Variants in SVEP1 observed in about 807,000 individuals in gnomAD.
SVEP1 encodes the protein sushi, von Willebrand factor type A, EGF and pentraxin domain containing 1, also known as sushi, von Willebrand factor type A, EGF and pentraxin domain-containing protein 1.
Under a neutral mutation model 367.3 loss-of-function variants are expected in SVEP1, and 164 were observed. That is an observed-to-expected ratio of 0.45 (90% CI 0.39 to 0.51). SVEP1 has a LOEUF of 0.51. Ranked by LOEUF, SVEP1 falls within the 20% of genes least tolerant of loss-of-function variation. The pLI is 0.00. For missense variants in SVEP1, 4,117 were observed against 4,425.3 expected (o/e 0.93, Z 1.98); for synonymous variants, 1,666 against 1,611.6 (o/e 1.03, Z -0.81).
Position 110,436,460 on chromosome 9 carries a change from C to A in SVEP1, c.4684G>T (p.Glu1562Ter), listed in dbSNP as rs776202794. The change falls in exon 28 of 48, where the codon GAG becomes TAG. Residue 1562 changes from glutamate to a stop codon, truncating the protein, a stop_gained. Coordinates refer to ENST00000374469, the MANE Select transcript of SVEP1 (RefSeq NM_153366.4). LOFTEE classifies it high-confidence loss of function. ...AAAGACTCAGCTGGGCTGAATCCCT[C>A]TCCTTTTTTGTCTTGCTCTTGCCCC... ...VLGQEQDKKG[E>*]GFSPAESFVG... 6.2e-7 allele frequency: 1 copy of A among 1,613,952 alleles called. No homozygotes were observed. Among genetic ancestry groups the A allele is most frequent in the East Asian group, 2.2e-5 (1 of 44,868 alleles).
intron 1 of SVEP1, among the ~76,000 whole-genome samples, chr9:110,574,410 ACAAT>A (rs781764018): frequency 1.3e-5 from 2 of 152,250 alleles, no homozygotes; most frequent in Non-Finnish European, 2.9e-5. Context: ...AGGCTAGGTC[ACAAT>A]CAGTTATAAT....
Position 110,579,255 on chromosome 9 carries a change from C to A in SVEP1, c.289G>T (p.Val97Phe). 6.4e-7 allele frequency: 1 copy of A among 1,571,140 alleles called. No individual in the cohort carries two copies. Among genetic ancestry groups the A allele is most frequent in the Admixed American group, 1.9e-5 (1 of 53,594 alleles). The change falls in exon 1 of 48, where the codon GTC becomes TTC. Residue 97 changes from valine (V) to phenylalanine (F), a missense_variant. Transcript: ENST00000374469. This position sits in a 1 kb window ranked among gnomAD's most constrained non-coding sequence, Gnocchi z 5.3. Reference sequence around the variant, plus strand: ...AACATGAGCTCGCTGCGGAAGTTGACTTCGCCCACGCTGGACGAATCATCC... The same window carrying A: ...AACATGAGCTCGCTGCGGAAGTTGAATTCGCCCACGCTGGACGAATCATCC... The part of the protein sequence containing the change: ...LVDDSSSVGE[V>F]NFRSELMFVR...
chr9:110,452,856 T>C (rs545130290), intron 22 of SVEP1, among the ~76,000 whole-genome samples: 2 of 50,290 alleles, frequency 4.0e-5, no homozygotes, highest in South Asian at 1.9e-3. Flanking sequence ...ATTTGAAGGA[T>C]TTTCAAGGCA....
At chr9:110,566,256 A>C (rs901096215) in intron 1 of SVEP1, among the ~76,000 whole-genome samples, 2 of 151,982 alleles carry the variant, frequency 1.3e-5, no homozygotes, top group African/African-American at 4.8e-5. Flanking sequence ...TGGGAAGTTG[A>C]GGCTGCAGTG....
At chr9:110,496,128 G>C (rs1829442414) in intron 8 of SVEP1, among the ~76,000 whole-genome samples, 2 of 152,158 alleles carry the variant, frequency 1.3e-5, no homozygotes, top group Admixed American at 1.3e-4. Context: ...TCATTATTCT[G>C]TCAGATGCCG....
intron 21 of SVEP1, among the ~76,000 whole-genome samples, chr9:110,455,991 C>T (rs1222717337): frequency 6.6e-6 from 1 of 152,178 alleles, no homozygotes; most frequent in Non-Finnish European, 1.5e-5. Flanking sequence ...AGGAATTATG[C>T]TAATTTCAAA....
At chr9:110,466,342 G>A (rs1828936452) in intron 17 of SVEP1, among the ~76,000 whole-genome samples, 1 of 152,196 alleles carries the variant, frequency 6.6e-6, no homozygotes. Context: ...ATAGGAACAA[G>A]TTGTACACTG....
intron 20 of SVEP1, 72 bp downstream of exon 20, chr9:110,458,399 G>A: frequency 7.8e-7 from 1 of 1,277,784 alleles, no homozygotes; most frequent in East Asian, 2.4e-5. Flanking sequence ...CTTTTCCTGT[G>A]TGTGATGTGT....
rs371178297 is a variant in SVEP1, at chr9:110,512,916, G to A, written c.1303+10C>T. ...AGTAAATAAACAATGTAAATTGGCA[G>A]TTTGCATACCTCTGCAGTAGCTCTC... is the stretch of plus-strand genomic sequence containing the variant. On this transcript the variant is annotated intron_variant, in intron 5 of 47. Coordinates refer to ENST00000374469, the MANE Select transcript of SVEP1 (RefSeq NM_153366.4). The A allele has an allele frequency of 4.8e-5, 77 of 1,613,766 alleles. No homozygotes were observed. Among genetic ancestry groups the A allele is most frequent in the Non-Finnish European group, 6.4e-5 (76 of 1,179,816 alleles).
intron 46 of SVEP1, among the ~76,000 whole-genome samples, chr9:110,373,153 C>A (rs1827302113): frequency 6.6e-6 from 1 of 152,096 alleles, no homozygotes; most frequent in African/African-American, 2.4e-5. Flanking sequence ...AGTAAGGTAC[C>A]TGGAAAAAAG....
Position 110,528,148 on chromosome 9 carries a change from G to A in SVEP1, c.965-14042C>T, listed in dbSNP as rs1305032542. Among the ~76,000 whole-genome samples, 270 of 31,814 alleles carry A rather than the reference G, an allele frequency of 8.5e-3. 1 individual carries two copies. The highest frequency in any genetic ancestry group is 0.025 in the African/African-American group (251 of 9,962). 20.9% of individuals were successfully genotyped at this position (31,814 alleles called of 152,430 possible). On this transcript the variant is annotated intron_variant, in intron 3 of 47. Transcript: ENST00000374469. ...CATACACACGTGTGTGTGTGTGTGTGTGTGTGTGTATATATATATATATAT... is the reference window on the plus strand; with the variant it reads ...CATACACACGTGTGTGTGTGTGTGTATGTGTGTGTATATATATATATATAT...
intron 18 of SVEP1, among the ~76,000 whole-genome samples, chr9:110,462,725 C>CAG (rs147630659): frequency 9.4e-5 from 14 of 149,526 alleles, no homozygotes; most frequent in Admixed American, 6.7e-4. Flanking sequence ...GACAGAGAGA[C>CAG]AGAGAGAGAG....
chr9:110,482,602 C>T (rs775419426), intron 10 of SVEP1, 110 bp from the exon 11 acceptor site: 161 of 1,253,260 alleles, frequency 1.3e-4, no homozygotes, highest in Non-Finnish European at 1.0e-4. Flanking sequence ...TCTCGGCTCA[C>T]TGCAACCTCC....
chr9:110,514,965 C>T (rs1264666229), intron 3 of SVEP1, among the ~76,000 whole-genome samples: 1 of 152,120 alleles, frequency 6.6e-6, no homozygotes, highest in Non-Finnish European at 1.5e-5. Flanking sequence ...GGACATAATC[C>T]AACCGACAGG....
In SVEP1 at chr9:110,408,550, T is replaced by C; in HGVS notation, c.7050A>G (p.Lys2350=). Residue 2350 remains lysine, a synonymous_variant, in exon 38 of 48, where the codon AAA becomes AAG. Coordinates refer to ENST00000374469, the MANE Select transcript of SVEP1 (RefSeq NM_153366.4). ...TEVGVVTFSC[K]EGHVLQGPSV... is the part of the protein sequence containing the mutation. The stretch of plus-strand genomic sequence containing the variant: ...AGGGGCCTTGCAGGACATGCCCTTC[T>C]TTACAGGAAAATGTCACAACTCCTA... 6.2e-7 allele frequency: 1 copy of C among 1,613,926 alleles called. No individual in the cohort carries two copies. The highest frequency in any genetic ancestry group is 8.5e-7 in the Non-Finnish European group (1 of 1,179,856).
At chr9:110,439,519 G>A (rs539900157) in intron 27 of SVEP1, among the ~76,000 whole-genome samples, 3 of 151,878 alleles carry the variant, frequency 2.0e-5, no homozygotes, top group Non-Finnish European at 2.9e-5. Context: ...TCAGCCTCCC[G>A]AGTAGCTGGG....
intron 13 of SVEP1, among the ~76,000 whole-genome samples, chr9:110,478,592 G>A (rs1269711790): frequency 6.6e-6 from 1 of 152,098 alleles, no homozygotes; most frequent in South Asian, 2.1e-4. Flanking sequence ...GTTGCCTTTC[G>A]AGTATAGGTC....
At chr9:110,450,384 T>A in intron 23 of SVEP1, 124 bp from the exon 24 acceptor site, 1 of 962,064 alleles carries the variant, frequency 1.0e-6, no homozygotes, top group South Asian at 1.7e-5. Context: ...GTGGAGCCCA[T>A]CAAACTGGTT....
Position 110,528,156 on chromosome 9 carries a change from G to GTGTATGTATATATA in SVEP1, c.965-14051_965-14050insTATATATACATACA. On this transcript the variant is annotated intron_variant, in intron 3 of 47. Transcript: ENST00000374469. ...CGTGTGTGTGTGTGTGTGTGTGTGTGTATATATATATATATATATATATAT... is the reference window on the plus strand; with the variant it reads ...CGTGTGTGTGTGTGTGTGTGTGTGTGTGTATGTATATATATATATATATATATATATATATATAT... Among the ~76,000 whole-genome samples the GTGTATGTATATATA allele has an allele frequency of 8.8e-5, 3 of 33,940 alleles. 1 individual carries two copies. Among genetic ancestry groups the GTGTATGTATATATA allele is most frequent in the African/African-American group, 3.2e-4 (3 of 9,462 alleles). The allele number at this position is 33,940 out of a possible 152,430, so 22.3% of individuals were successfully genotyped here.
Sources: allele counts gnomAD v4.1 joint callset (sites outside exome capture counted in the v4.1 genomes callset), GRCh38; gene constraint gnomAD v4.1.1; non-coding constraint Gnocchi (gnomAD v3.1); transcripts MANE v1.5; gene names NCBI Gene and HGNC (gene_info 2026-07-23, HGNC 2026-07-21).